Variants in FSTL4 observed in about 807,000 individuals in gnomAD.
FSTL4 encodes follistatin like 4.
In FSTL4, 28 loss-of-function variants were observed where a neutral mutation model predicts 78.2. The observed-to-expected ratio is 0.36, with a 90% CI of 0.27 to 0.49. FSTL4 has a LOEUF of 0.49. Ranked by LOEUF, FSTL4 falls within the 20% of genes least tolerant of loss-of-function variation. FSTL4 has a pLI of 0.98. For synonymous variants in FSTL4, 422 were observed against 440.5 expected, an observed-to-expected ratio of 0.96 and a Z score of 0.53; for missense variants, 922 against 1,084.9, an observed-to-expected ratio of 0.85 and a Z score of 2.11.
intron 2 of FSTL4, among the ~76,000 whole-genome samples, chr5:133,597,790 C>T (rs575069160): frequency 2.6e-5 from 4 of 152,258 alleles, no homozygotes; most frequent in South Asian, 2.1e-4. Flanking sequence ...CAATGCTCAT[C>T]CCCAAAACAG....
rs909055597 is a variant in FSTL4 at position 133,343,577 on chromosome 5, G to A, written c.410-26925C>T. 4.6e-5 allele frequency among the ~76,000 whole-genome samples: 7 copies of A among 152,190 alleles called. No homozygotes were observed. In the East Asian group the frequency reaches 9.6e-4, roughly 21 times the overall value. ...ACACGTTTTGGTCAAACTGCTTAGC[G>A]CAGTTGAAAGAAGACTCTGACCTTA... On this transcript the variant is annotated intron_variant, in intron 4 of 15. Coordinates refer to ENST00000265342, the MANE Select transcript of FSTL4 (RefSeq NM_015082.2).
intron 3 of FSTL4, among the ~76,000 whole-genome samples, chr5:133,529,948 C>T (rs75506580): frequency 1.8e-4 from 27 of 151,746 alleles, no homozygotes; most frequent in Non-Finnish European, 3.5e-4. Flanking sequence ...TACATGAAGA[C>T]GTGACTTTGT....
the FSTL4 span, among the ~76,000 whole-genome samples, chr5:133,658,795 T>A: frequency 1.3e-5 from 2 of 152,190 alleles, no homozygotes; most frequent in Admixed American, 6.5e-5. Flanking sequence ...GCTTTGAACA[T>A]GACTCACATA....
the FSTL4 span, among the ~76,000 whole-genome samples, chr5:133,658,888 C>T: frequency 6.6e-6 from 1 of 152,010 alleles, no homozygotes; most frequent in Non-Finnish European, 1.5e-5. Context: ...ATTGTATAGC[C>T]CAATGCTATT....
At chr5:133,206,994 T>G (rs566874368) in intron 14 of FSTL4, among the ~76,000 whole-genome samples, 1 of 152,148 alleles carries the variant, frequency 6.6e-6, no homozygotes, top group Non-Finnish European at 1.5e-5. Flanking sequence ...TCCTCTTTGA[T>G]CCAATAGATA....
chr5:133,705,856 C>G, the FSTL4 span, among the ~76,000 whole-genome samples: 3 of 138,694 alleles, frequency 2.2e-5, no homozygotes, highest in Admixed American at 6.9e-5. Context: ...CACACACGCG[C>G]GCACACACAC....
chr5:133,275,148 C>T (rs1561652892), intron 6 of FSTL4, among the ~76,000 whole-genome samples: 1 of 151,856 alleles, frequency 6.6e-6, no homozygotes. Context: ...CTTGTAATCA[C>T]AGCTATTCGG....
the FSTL4 span, among the ~76,000 whole-genome samples, chr5:133,764,552 C>T: frequency 6.6e-6 from 1 of 152,048 alleles, no homozygotes; most frequent in Admixed American, 6.5e-5. Context: ...AGACTTTCTC[C>T]CCCAAAACAA....
At chr5:133,340,798 T>C (rs17166607) in intron 4 of FSTL4, among the ~76,000 whole-genome samples, 17,545 of 151,944 alleles carry the variant, frequency 0.12, 1,145 homozygotes, top group African/African-American at 0.18. Flanking sequence ...TATGCAATAA[T>C]TGGAAATACA....
At chr5:133,345,045 T>A (rs549008544) in intron 4 of FSTL4, among the ~76,000 whole-genome samples, 1 of 150,502 alleles carries the variant, frequency 6.6e-6, no homozygotes, top group Admixed American at 6.6e-5. Context: ...CTCCACTCAC[T>A]GCAAGCTCCG....
chr5:133,638,724 T>C, the FSTL4 span, among the ~76,000 whole-genome samples: 1 of 152,180 alleles, frequency 6.6e-6, no homozygotes, highest in Non-Finnish European at 1.5e-5. Context: ...GCTTATTTCT[T>C]TTGTTTTTTT....
intron 2 of FSTL4, among the ~76,000 whole-genome samples, chr5:133,601,681 T>C (rs1351139218): frequency 1.3e-5 from 2 of 148,446 alleles, no homozygotes; most frequent in Non-Finnish European, 3.0e-5. Flanking sequence ...TCTTTTTCTT[T>C]CTTTCTTTTT....
At chr5:133,230,198 G>A (rs1751452070) in intron 8 of FSTL4, among the ~76,000 whole-genome samples, 1 of 152,174 alleles carries the variant, frequency 6.6e-6, no homozygotes, top group South Asian at 2.1e-4. Context: ...TAGGAATCCT[G>A]CAGACCCACA....
chr5:133,406,581 G>A (rs917833055), intron 3 of FSTL4, among the ~76,000 whole-genome samples: 3 of 152,198 alleles, frequency 2.0e-5, no homozygotes, highest in Non-Finnish European at 4.4e-5. Flanking sequence ...CCGGGGCTGC[G>A]TCAGGTCCAC....
chr5:133,419,348 G>A (rs751416319), intron 3 of FSTL4, among the ~76,000 whole-genome samples: 2 of 152,146 alleles, frequency 1.3e-5, no homozygotes, highest in Admixed American at 6.5e-5. Flanking sequence ...TCAATATCTT[G>A]ACCTCATGAT....
the FSTL4 span, among the ~76,000 whole-genome samples, chr5:133,679,152 C>CATGCAACATTT: frequency 6.6e-6 from 1 of 152,136 alleles, no homozygotes; most frequent in Non-Finnish European, 1.5e-5. Flanking sequence ...CAGCAACATG[C>CATGCAACATTT]ATGCAACATT....
chr5:133,525,607 C>T (rs1402464949), intron 3 of FSTL4, among the ~76,000 whole-genome samples: 3 of 152,212 alleles, frequency 2.0e-5, no homozygotes, highest in Admixed American at 6.5e-5. Context: ...GGCAATGATG[C>T]CGGCCTCACT....
chr5:133,729,837 G>A, the FSTL4 span, among the ~76,000 whole-genome samples: 1 of 152,044 alleles, frequency 6.6e-6, no homozygotes, highest in Non-Finnish European at 1.5e-5. Context: ...AGGAGAAGAT[G>A]CCAGGTTCTG....
chr5:133,305,155 C>T (rs895004659), intron 6 of FSTL4, among the ~76,000 whole-genome samples: 2 of 152,246 alleles, frequency 1.3e-5, no homozygotes, highest in African/African-American at 4.8e-5. Context: ...CGGAGGCCTT[C>T]AAAGGCCAAG....
Sources: gnomAD v4.1 joint callset for allele counts (sites outside exome capture counted in the v4.1 genomes callset) on GRCh38, gnomAD v4.1.1 for gene constraint, MANE v1.5 for transcripts, NCBI Gene and HGNC (gene_info 2026-07-23, HGNC 2026-07-21) for gene names.